Variants in OR4M1 observed in about 807,000 individuals in gnomAD.
OR4M1 encodes the protein olfactory receptor 4M1.
A neutral mutation model predicts 9.8 loss-of-function variants in OR4M1; 7 were observed. That is an observed-to-expected ratio of 0.71 (90% confidence interval 0.41 to 1.34). The LOEUF is 1.34. Among genes scored for constraint, OR4M1 ranks in the 40% most tolerant of loss-of-function variants. The pLI is 0.01. For missense variants in OR4M1, 331 were observed against 380.4 expected (o/e 0.87, Z 1.08); for synonymous variants, 121 against 139.8 (o/e 0.87, Z 0.95).
At chr14:19,778,033 C>T (rs1878362869) in intron 1 of OR4M1, among the ~76,000 whole-genome samples, 1 of 152,186 alleles carries the variant, frequency 6.6e-6, no homozygotes, top group African/African-American at 2.4e-5. Context: ...GACAGAGACA[C>T]TCATCAAGAA....
At chr14:19,776,824 G>T (rs1296156732) in intron 1 of OR4M1, among the ~76,000 whole-genome samples, 24 of 152,050 alleles carry the variant, frequency 1.6e-4, no homozygotes, top group South Asian at 1.2e-3. Context: ...CCTCATTTTA[G>T]ACACAGAAGA....
intron 1 of OR4M1, among the ~76,000 whole-genome samples, chr14:19,776,332 C>T (rs1001505290): frequency 8.5e-5 from 13 of 152,342 alleles, no homozygotes; most frequent in East Asian, 7.7e-4. Flanking sequence ...CTCAACATCA[C>T]GCAGATTCTT....
chr14:19,776,058 C>T (rs145807996), intron 1 of OR4M1, among the ~76,000 whole-genome samples: 3,349 of 151,874 alleles, frequency 0.022, 25 homozygotes, highest in Middle Eastern at 0.041. Context: ...CTGTATACTC[C>T]TTCCTCACCA....
Position 19,780,972 on chromosome 14 carries a change from C to T in OR4M1, c.650C>T (p.Ser217Phe), listed in dbSNP as rs972220382. The change falls in exon 2 of 2, where the codon TCC becomes TTC. Residue 217 changes from serine to phenylalanine, a missense_variant. Transcript: ENST00000641200. Reference sequence around the variant, plus strand: ...GTGTGTTTCATTGCTCTGTTAATGTCCTATGCCTTCCTTCTGGCCTTGCTC... The same window carrying T: ...GTGTGTTTCATTGCTCTGTTAATGTTCTATGCCTTCCTTCTGGCCTTGCTC... ...SVVCFIALLM[S>F]YAFLLALLKK... 1.2e-6 allele frequency: 2 copies of T among 1,614,216 alleles called. No individual in the cohort carries two copies. Among genetic ancestry groups the T allele is most frequent in the Non-Finnish European group, 1.7e-6 (2 of 1,180,028 alleles).
At chr14:19,777,007 CATATATATATATATATATATATATATAT>C (rs71431978) in intron 1 of OR4M1, among the ~76,000 whole-genome samples, 1 of 45,928 alleles carries the variant, frequency 2.2e-5, no homozygotes, top group African/African-American at 9.4e-5. Context: ...TTGTTTAAGC[CATATATATATATATATATATATATATAT>C]ATATATATAT....
Position 19,779,647 on chromosome 14 carries a change from G to A in OR4M1, c.-29-647G>A, listed in dbSNP as rs949618449. ...AAATTTCATACTCAATGTAGTATCA[G>A]GTATTGATGAATCTGGTCACAGCTA... On this transcript the variant is annotated intron_variant, in intron 1 of 1. Transcript: ENST00000641200. Among the ~76,000 whole-genome samples, 5 of 152,222 alleles carry A rather than the reference G, an allele frequency of 3.3e-5. No individual in the cohort carries two copies. In the South Asian group the frequency reaches 6.2e-4, roughly 19 times the overall value.
chr14:19,776,249 C>G (rs1210257596), intron 1 of OR4M1, among the ~76,000 whole-genome samples: 2 of 152,188 alleles, frequency 1.3e-5, no homozygotes, highest in African/African-American at 4.8e-5. Context: ...AGAGGTAGAA[C>G]ATTTCTTAAA....
chr14:19,780,279 C>T lies in OR4M1; in HGVS notation c.-29-15C>T. On this transcript the variant is annotated splice_polypyrimidine_tract_variant and intron_variant, in intron 1 of 1. Coordinates refer to ENST00000641200, the MANE Select transcript of OR4M1 (RefSeq NM_001005500.2). ...ATGCTATGTGGACTAATTATAGTTT[C>T]TTTAATTTTCATAGTTATATTATGA... 1 of 1,540,852 alleles carries T rather than the reference C, an allele frequency of 6.5e-7. No individual in the cohort carries two copies. Among genetic ancestry groups the T allele is most frequent in the Non-Finnish European group, 8.7e-7 (1 of 1,143,230 alleles).
At position 19,780,652 on chromosome 14, in the gene OR4M1, G is replaced by T; in HGVS notation, c.330G>T (p.Ser110=). The change falls in exon 2 of 2, where the codon TCG becomes TCT. Residue 110 remains serine (S), a synonymous_variant. Transcript: ENST00000641200. ...QLFFLHFVGA[S]EMFLLTVMAY... ...TCTTCTTACACTTTGTTGGGGCTTC[G>T]GAGATGTTCTTGCTCACAGTGATGG... is the stretch of plus-strand genomic sequence containing the variant. 6.2e-7 allele frequency: 1 copy of T among 1,614,224 alleles called. No individual in the cohort carries two copies. Among genetic ancestry groups the T allele is most frequent in the Non-Finnish European group, 8.5e-7 (1 of 1,180,036 alleles).
At chr14:19,779,999 T>A (rs1224158895) in intron 1 of OR4M1, among the ~76,000 whole-genome samples, 1 of 152,234 alleles carries the variant, frequency 6.6e-6, no homozygotes, top group South Asian at 2.1e-4. Flanking sequence ...CTAATGTAGA[T>A]GTTTGGGGGA....
chr14:19,782,407 G>T lies in OR4M1; in HGVS notation c.*1143G>T, dbSNP rs1319940577. On this transcript the variant is annotated 3_prime_UTR_variant, in exon 2 of 2. Transcript: ENST00000641200. ...AAAACTAGGAAATATTTTCATTGAAGGGCAAGAATGCATTGGGTGTATTAA... is the reference window on the plus strand; with the variant it reads ...AAAACTAGGAAATATTTTCATTGAATGGCAAGAATGCATTGGGTGTATTAA... 1 of 152,170 alleles carries T rather than the reference G, an allele frequency of 6.6e-6. No homozygotes were observed. Among genetic ancestry groups the T allele is most frequent in the Non-Finnish European group, 1.5e-5 (1 of 68,038 alleles). The allele number at this position is 152,170 out of a possible 1,614,324, so 9.4% of individuals were successfully genotyped here.
rs1376412331 is a variant in OR4M1, at chr14:19,780,400, C to G, written c.78C>G (p.Val26=). The change falls in exon 2 of 2, where the codon GTC becomes GTG. Residue 26 remains valine, a synonymous_variant. Transcript: ENST00000641200. The part of the protein sequence containing the change: ...GLSQTREVQL[V]LFVIFLSFYL... ...CCCAGACTCGGGAGGTCCAACTAGT[C>G]CTATTTGTTATATTTCTATCCTTCT... is the stretch of plus-strand genomic sequence containing the variant. 6.2e-7 allele frequency: 1 copy of G among 1,614,044 alleles called. No individual in the cohort carries two copies. Among genetic ancestry groups the G allele is most frequent in the Admixed American group, 1.7e-5 (1 of 60,004 alleles).
intron 1 of OR4M1, among the ~76,000 whole-genome samples, chr14:19,778,926 T>G (rs575381896): frequency 2.0e-5 from 3 of 152,360 alleles, no homozygotes; most frequent in African/African-American, 4.8e-5. Flanking sequence ...CATGGGGAAA[T>G]TGATCCCTTT....
chr14:19,781,477 A>G lies in OR4M1; in HGVS notation c.*213A>G. On this transcript the variant is annotated 3_prime_UTR_variant, in exon 2 of 2. Coordinates refer to ENST00000641200, the MANE Select transcript of OR4M1 (RefSeq NM_001005500.2). ...ACACCTACCCTGAAATTCCAGGCAGATCATTATTAGAATTTGAGATATAAT... is the reference window on the plus strand; with the variant it reads ...ACACCTACCCTGAAATTCCAGGCAGGTCATTATTAGAATTTGAGATATAAT... 1.9e-6 allele frequency: 1 copy of G among 540,434 alleles called. No individual in the cohort carries two copies. Among genetic ancestry groups the G allele is most frequent in the East Asian group, 3.1e-5 (1 of 32,752 alleles). 33.5% of individuals were successfully genotyped at this position (540,434 alleles called of 1,614,324 possible).
chr14:19,779,922 G>A (rs1355889266), intron 1 of OR4M1, among the ~76,000 whole-genome samples: 1 of 152,224 alleles, frequency 6.6e-6, no homozygotes, highest in Non-Finnish European at 1.5e-5. Flanking sequence ...CTAGAAAAAA[G>A]AGGCCACATC....
chr14:19,778,269 C>A (rs1439527883), intron 1 of OR4M1, among the ~76,000 whole-genome samples: 11 of 152,204 alleles, frequency 7.2e-5, no homozygotes, highest in African/African-American at 2.7e-4. Flanking sequence ...CACTCATTCA[C>A]CTAAATTCTT....
chr14:19,777,135 T>C (rs1214632873), intron 1 of OR4M1, among the ~76,000 whole-genome samples: 4 of 150,866 alleles, frequency 2.7e-5, no homozygotes, highest in Non-Finnish European at 5.9e-5. Context: ...GCAAATTGTA[T>C]TAAGCTATTC....
intron 1 of OR4M1, among the ~76,000 whole-genome samples, chr14:19,777,239 T>G (rs1878342314): frequency 6.9e-6 from 1 of 144,702 alleles, no homozygotes; most frequent in South Asian, 2.1e-4. Context: ...TAACTCTTTA[T>G]TTTGTTCTTA....
At chr14:19,774,942 G>A (rs1878265950) in intron 1 of OR4M1, among the ~76,000 whole-genome samples, 1 of 152,202 alleles carries the variant, frequency 6.6e-6, no homozygotes, top group South Asian at 2.1e-4. Context: ...CCTACGGAAT[G>A]GACCCTCTCT....
Sources: allele counts gnomAD v4.1 joint callset (sites outside exome capture counted in the v4.1 genomes callset), GRCh38; gene constraint gnomAD v4.1.1; transcripts MANE v1.5; gene names NCBI Gene and HGNC (gene_info 2026-07-23, HGNC 2026-07-21).